The following KDM4C variants were observed in gnomAD, a reference collection of about 807,000 sequenced individuals.
KDM4C encodes the protein lysine demethylase 4C, also known as lysine-specific demethylase 4C.
Under a neutral mutation model 129.3 loss-of-function variants are expected in KDM4C, and 81 were observed. The observed-to-expected ratio is 0.63, with a 90% CI of 0.52 to 0.75. The LOEUF (loss-of-function observed/expected upper bound fraction) is 0.75, where lower values mean the gene tolerates loss of function less well. Ranked by LOEUF, KDM4C falls within the 30% of genes least tolerant of loss-of-function variation. The probability of loss-of-function intolerance (pLI) is 0.00; values close to 1 mark genes in which losing one functional copy is unlikely to be tolerated. For synonymous variants in KDM4C, 573 were observed against 456.1 expected (o/e 1.26, Z -3.26); for missense variants, 1,457 against 1,304.0 (o/e 1.12, Z -1.81).
At chr9:7,033,319 T>C (rs924922034) in intron 15 of KDM4C, among the ~76,000 whole-genome samples, 49 of 152,254 alleles carry the variant, frequency 3.2e-4, no homozygotes, top group African/African-American at 1.1e-3. Flanking sequence ...GTGGTTGCTT[T>C]TGCTATCTTA....
chr9:6,771,188 C>A (rs935467298), intron 1 of KDM4C, among the ~76,000 whole-genome samples: 10 of 149,654 alleles, frequency 6.7e-5, no homozygotes, highest in African/African-American at 1.5e-4. Flanking sequence ...TTGGCCTCCC[C>A]CCAAAGTGCT....
intron 1 of KDM4C, chr9:6,735,061 A>G (rs1817482797): frequency 2.2e-6 from 1 of 449,598 alleles, no homozygotes; most frequent in Non-Finnish European, 4.3e-6. Flanking sequence ...AGATGCTCCA[A>G]AGTTCAAATC....
At chr9:6,765,084 T>G (rs72699623) in intron 1 of KDM4C, among the ~76,000 whole-genome samples, 14,669 of 152,152 alleles carry the variant, frequency 0.096, 827 homozygotes, top group Non-Finnish European at 0.11. Flanking sequence ...TTCACTCCCA[T>G]CCTCCCTCCA....
intron 8 of KDM4C, among the ~76,000 whole-genome samples, chr9:6,950,601 G>C (rs371262078): frequency 3.9e-5 from 6 of 152,154 alleles, no homozygotes; most frequent in East Asian, 3.8e-4. Context: ...TGGTTTAAGT[G>C]AGATTATCTC....
At chr9:7,005,194 G>A (rs528260704) in intron 12 of KDM4C, among the ~76,000 whole-genome samples, 2 of 152,250 alleles carry the variant, frequency 1.3e-5, no homozygotes, top group South Asian at 4.1e-4. Flanking sequence ...CCAGCACTTT[G>A]GGAGGCTGAG....
rs551930909 is a variant in KDM4C, at chr9:7,152,663, T to G, written c.2782-12575T>G. ...ACTTTGAACTTAATGTCACTGAAATTTACAATTGAATGTGGTTAAAATGGT... is the reference window on the plus strand; with the variant it reads ...ACTTTGAACTTAATGTCACTGAAATGTACAATTGAATGTGGTTAAAATGGT... On this transcript the variant is annotated intron_variant, in intron 19 of 21. Coordinates refer to ENST00000381309, the MANE Select transcript of KDM4C (RefSeq NM_015061.6). 3.8e-4 allele frequency among the ~76,000 whole-genome samples: 58 copies of G among 152,276 alleles called. No homozygotes were observed. The Middle Eastern group carries it at 0.01, about 27-fold the overall frequency.
chr9:6,999,192 G>A (rs1269298388), intron 12 of KDM4C, among the ~76,000 whole-genome samples: 1 of 152,148 alleles, frequency 6.6e-6, no homozygotes, highest in African/African-American at 2.4e-5. Flanking sequence ...ATGCCCTCCT[G>A]CTCCTGGCAA....
chr9:6,888,891 C>T lies in KDM4C; in HGVS notation c.783+828C>T, dbSNP rs888858540. Reference sequence around the variant, plus strand: ...CAAGCTCCGCCTCCCGGGTTCACGCCATTCTCCTGCCTCAGCCTCCCAAGT... The same window carrying T: ...CAAGCTCCGCCTCCCGGGTTCACGCTATTCTCCTGCCTCAGCCTCCCAAGT... On this transcript the variant is annotated intron_variant, in intron 7 of 21. Transcript: ENST00000381309. 4.6e-5 allele frequency among the ~76,000 whole-genome samples: 2 copies of T among 43,342 alleles called. 1 individual carries two copies. Among genetic ancestry groups the T allele is most frequent in the Admixed American group, 3.6e-4 (2 of 5,630 alleles). The allele number at this position is 43,342 out of a possible 152,430, so 28.4% of individuals were successfully genotyped here.
At chr9:6,891,754 A>G (rs547352098) in intron 7 of KDM4C, among the ~76,000 whole-genome samples, 4 of 152,296 alleles carry the variant, frequency 2.6e-5, no homozygotes, top group Non-Finnish European at 5.9e-5. Context: ...ACAAAATACT[A>G]CAAATGTAGC....
chr9:7,115,925 T>C (rs1006402860), intron 18 of KDM4C, among the ~76,000 whole-genome samples: 1 of 152,252 alleles, frequency 6.6e-6, no homozygotes, highest in African/African-American at 2.4e-5. Flanking sequence ...ATGGGTAGTT[T>C]CTTCACCATT....
chr9:6,986,431 C>T lies in KDM4C; in HGVS notation c.1442C>T (p.Ser481Phe). ...AYAYRSVPSISSEADDSIPLS... is the reference protein window; with the variant it reads ...AYAYRSVPSIFSEADDSIPLS... The stretch of plus-strand genomic sequence containing the variant: ...GCATATAGAAGTGTACCTTCTATAT[C>T]CAGTGAGGCTGATGATTCCATTCCA... Residue 481 changes from serine to phenylalanine, a missense_variant, in exon 11 of 22, where the codon TCC (serine) becomes TTC (phenylalanine). Ser to Phe is a radical substitution (Grantham distance 155). Transcript: ENST00000381309. 1.2e-6 allele frequency: 2 copies of T among 1,612,470 alleles called. No homozygotes were observed. Among genetic ancestry groups the T allele is most frequent in the South Asian group, 2.2e-5 (2 of 91,042 alleles).
chr9:7,094,835 T>C (rs573215518), intron 17 of KDM4C, among the ~76,000 whole-genome samples: 4 of 152,186 alleles, frequency 2.6e-5, no homozygotes, highest in African/African-American at 9.7e-5. Flanking sequence ...GCTAGCATAA[T>C]TGAAAGACAA....
Position 6,984,365 on chromosome 9 carries a change from C to T in KDM4C, c.1315C>T (p.Gln439Ter). The T allele has an allele frequency of 6.2e-7, 1 of 1,613,428 alleles. No homozygotes were observed. The highest frequency in any genetic ancestry group is 8.5e-7 in the Non-Finnish European group (1 of 1,179,474). Residue 439 changes from glutamine to a stop codon, truncating the protein, a stop_gained, in exon 10 of 22, where the codon CAG becomes TAG. Coordinates refer to ENST00000381309, the MANE Select transcript of KDM4C (RefSeq NM_015061.6). LOFTEE classifies it high-confidence loss of function. Reference sequence around the variant, plus strand: ...AGAAGAGTCATCTGCTAGCAGGATGCAGGTGGAGCAGAATTTATCAGATCA... The same window carrying T: ...AGAAGAGTCATCTGCTAGCAGGATGTAGGTGGAGCAGAATTTATCAGATCA... ...SEEESSASRM[Q>*]VEQNLSDHIK...
intron 19 of KDM4C, among the ~76,000 whole-genome samples, chr9:7,132,361 G>T (rs1252121402): frequency 6.6e-6 from 1 of 152,160 alleles, no homozygotes; most frequent in Non-Finnish European, 1.5e-5. Flanking sequence ...TTACGTTAGC[G>T]TTATGTGACT....
intron 8 of KDM4C, among the ~76,000 whole-genome samples, chr9:6,962,020 C>T (rs1464693414): frequency 6.6e-6 from 1 of 152,094 alleles, no homozygotes; most frequent in Non-Finnish European, 1.5e-5. Flanking sequence ...ACATTAACTT[C>T]GTTATGTACT....
At chr9:6,908,296 A>T (rs959654977) in intron 8 of KDM4C, among the ~76,000 whole-genome samples, 3 of 152,184 alleles carry the variant, frequency 2.0e-5, no homozygotes, top group Non-Finnish European at 2.9e-5. Context: ...TTTTCTTCCA[A>T]ATCTATTGCA....
intron 1 of KDM4C, among the ~76,000 whole-genome samples, chr9:6,783,238 G>C (rs1030744589): frequency 6.6e-6 from 1 of 152,156 alleles, no homozygotes; most frequent in Non-Finnish European, 1.5e-5. Context: ...TCCTGCACTT[G>C]TAAGCTCTTT....
chr9:6,966,494 A>G (rs907837551), intron 8 of KDM4C, among the ~76,000 whole-genome samples: 15 of 152,228 alleles, frequency 9.9e-5, no homozygotes, highest in African/African-American at 3.6e-4. Context: ...TTTATGTAAC[A>G]TTTTACTGAA....
chr9:6,749,479 T>C (rs1228485529), intron 1 of KDM4C, among the ~76,000 whole-genome samples: 2 of 152,186 alleles, frequency 1.3e-5, no homozygotes, highest in Middle Eastern at 3.4e-3. Flanking sequence ...GTGGGCAATA[T>C]GGTGAGACCC....
Sources: allele counts gnomAD v4.1 joint callset (sites outside exome capture counted in the v4.1 genomes callset), GRCh38; gene constraint gnomAD v4.1.1; transcripts MANE v1.5; gene names NCBI Gene and HGNC (gene_info 2026-07-23, HGNC 2026-07-21).